NEDD4L: variants seen among roughly 807,000 people sequenced by gnomAD.
NEDD4L encodes E3 ubiquitin-protein ligase NEDD4-like.
NEDD4L carries 54 observed loss-of-function variants against 148.9 expected under a neutral mutation model. That is an observed-to-expected ratio of 0.36 (90% confidence interval 0.29 to 0.45). The LOEUF is 0.45. Ranked by LOEUF, NEDD4L falls within the 20% of genes least tolerant of loss-of-function variation. NEDD4L has a pLI of 1.00. For missense variants in NEDD4L, 856 were observed against 1,233.8 expected (o/e 0.69, Z 4.59); for synonymous variants, 433 against 440.7 (o/e 0.98, Z 0.22).
In NEDD4L at chr18:58,256,141, C is replaced by T. The variant is rs575995975; in HGVS notation, c.297+4087C>T. 556 of 1,223,274 alleles carry T rather than the reference C, an allele frequency of 4.5e-4. 4 individuals are homozygous for T. The African/African-American group carries it at 6.2e-3, about 14-fold the overall frequency. The allele number at this position is 1,223,274 out of a possible 1,614,324, so 75.8% of individuals were successfully genotyped here. The stretch of plus-strand genomic sequence containing the variant: ...CCCGGGACCCAGGGCTCCAGGTCAA[C>T]GGCACGTGCGGCCGCCGCGTGCGGT... On this transcript the variant is annotated intron_variant, in intron 5 of 30. Transcript: ENST00000400345. The surrounding 1 kb of genome is among the most constrained non-coding windows in gnomAD (Gnocchi z 5.2).
chr18:58,290,484 C>A (rs1259630266), intron 5 of NEDD4L, among the ~76,000 whole-genome samples: 1 of 151,844 alleles, frequency 6.6e-6, no homozygotes, highest in Non-Finnish European at 1.5e-5. Context: ...GGAGGTTACT[C>A]CGAATGTATA....
chr18:58,131,017 A>G, intron 1 of NEDD4L, among the ~76,000 whole-genome samples: 1 of 92,370 alleles, frequency 1.1e-5, no homozygotes, highest in East Asian at 3.5e-4. Flanking sequence ...CTAGCAGAAC[A>G]GTGGCGGTGT....
At chr18:58,288,521 C>G (rs1423365361) in intron 5 of NEDD4L, among the ~76,000 whole-genome samples, 3 of 152,136 alleles carry the variant, frequency 2.0e-5, no homozygotes, top group African/African-American at 7.2e-5. Context: ...CGAAAAAGAA[C>G]AGTGAGTGAT....
At chr18:58,280,311 G>C (rs2052840533) in intron 5 of NEDD4L, among the ~76,000 whole-genome samples, 1 of 152,116 alleles carries the variant, frequency 6.6e-6, no homozygotes. Context: ...CCATGCCACT[G>C]TCCAGCCCAT....
intron 2 of NEDD4L, among the ~76,000 whole-genome samples, chr18:58,205,097 C>T (rs2147520730): frequency 6.6e-6 from 1 of 152,304 alleles, no homozygotes; most frequent in Middle Eastern, 3.4e-3. Flanking sequence ...CTAAGATCGA[C>T]CAAGTAGAGT....
At chr18:58,109,993 G>C (rs1272095646) in intron 1 of NEDD4L, among the ~76,000 whole-genome samples, 2 of 152,170 alleles carry the variant, frequency 1.3e-5, no homozygotes, top group Non-Finnish European at 2.9e-5. Context: ...TGTTGAGGGG[G>C]GATGTTTTAG....
chr18:58,321,925 T>G, intron 6 of NEDD4L, among the ~76,000 whole-genome samples: 1 of 152,240 alleles, frequency 6.6e-6, no homozygotes, highest in East Asian at 1.9e-4. Flanking sequence ...AGAAGGTTGA[T>G]CGGTGCTGCT....
chr18:58,370,537 C>T, intron 23 of NEDD4L, 70 bp downstream of exon 23: 1 of 1,022,420 alleles, frequency 9.8e-7, no homozygotes, highest in Non-Finnish European at 1.6e-6. Context: ...ATTGGAGAGC[C>T]ATATTTGTAG....
chr18:58,276,198 T>TTTG (rs201186251), intron 5 of NEDD4L, among the ~76,000 whole-genome samples: 25,656 of 105,154 alleles, frequency 0.24, 2,594 homozygotes, highest in Middle Eastern at 0.33. Context: ...TTTTTCGTTT[T>TTTG]TTTTTTTTTT....
intron 1 of NEDD4L, chr18:58,149,397 C>T: frequency 3.4e-6 from 5 of 1,487,478 alleles, no homozygotes; most frequent in Non-Finnish European, 4.5e-6. Context: ...AACTTCTCTC[C>T]TGTGACCTTG....
At chr18:58,234,057 CT>C (rs1555753262) in intron 2 of NEDD4L, among the ~76,000 whole-genome samples, 12 of 80,476 alleles carry the variant, frequency 1.5e-4, no homozygotes, top group Admixed American at 8.2e-4. Flanking sequence ...TTCTTTCTTT[CT>C]TTCTTTCTTT....
At chr18:58,391,646 T>G in intron 30 of NEDD4L, 87 bp downstream of exon 30, 1 of 900,586 alleles carries the variant, frequency 1.1e-6, no homozygotes, top group Non-Finnish European at 1.8e-6. Flanking sequence ...TTGAATGCTC[T>G]GTTTCCTGTC....
chr18:58,144,827 C>A (rs2033932028), intron 1 of NEDD4L, among the ~76,000 whole-genome samples: 1 of 152,218 alleles, frequency 6.6e-6, no homozygotes, highest in Non-Finnish European at 1.5e-5. Context: ...ATGTCCACAG[C>A]ACCTGGCAGA....
intron 18 of NEDD4L, among the ~76,000 whole-genome samples, chr18:58,356,407 T>A (rs2044666485): frequency 6.6e-6 from 1 of 150,830 alleles, no homozygotes; most frequent in Admixed American, 6.6e-5. Flanking sequence ...TCTCTCTCCC[T>A]CCACTCCACC....
chr18:58,066,608 G>A (rs777645220), intron 1 of NEDD4L, among the ~76,000 whole-genome samples: 34 of 151,926 alleles, frequency 2.2e-4, no homozygotes, highest in African/African-American at 5.8e-4. Flanking sequence ...ATGAGCCATC[G>A]CGCCCGGCCA....
intron 2 of NEDD4L, among the ~76,000 whole-genome samples, chr18:58,237,143 G>A (rs2046129336): frequency 6.6e-6 from 1 of 152,096 alleles, no homozygotes; most frequent in African/African-American, 2.4e-5. Context: ...AAACACTGTT[G>A]TCTGATTTTG....
intron 6 of NEDD4L, among the ~76,000 whole-genome samples, chr18:58,319,106 G>C (rs1015147160): frequency 6.6e-6 from 1 of 152,224 alleles, no homozygotes; most frequent in African/African-American, 2.4e-5. Flanking sequence ...CAGGCTGATG[G>C]TTCCCTCTCA....
chr18:58,109,980 G>A (rs75436296), intron 1 of NEDD4L, among the ~76,000 whole-genome samples: 3,576 of 152,262 alleles, frequency 0.023, 136 homozygotes, highest in African/African-American at 0.081. Flanking sequence ...TGGAAGGCAG[G>A]GTTGTTGAGG....
At chr18:58,050,322 C>A (rs1317894943) in intron 1 of NEDD4L, among the ~76,000 whole-genome samples, 1 of 150,182 alleles carries the variant, frequency 6.7e-6, no homozygotes, top group Non-Finnish European at 1.5e-5. Context: ...AAAAAAAAAT[C>A]AGCTGGGTGT....
Sources: allele counts gnomAD v4.1 joint callset (sites outside exome capture counted in the v4.1 genomes callset), GRCh38; gene constraint gnomAD v4.1.1; non-coding constraint Gnocchi (gnomAD v3.1); transcripts MANE v1.5; gene names NCBI Gene and HGNC (gene_info 2026-07-23, HGNC 2026-07-21).